The following UNC5C variants were observed in gnomAD, a reference collection of about 807,000 sequenced individuals.
The protein encoded by UNC5C is netrin receptor UNC5C.
In UNC5C, 47 loss-of-function variants were observed where a neutral mutation model predicts 99.8. The ratio of observed to expected loss-of-function variants is 0.47; its 90% CI spans 0.37 to 0.60. UNC5C has a LOEUF of 0.60. Among genes scored for constraint, UNC5C ranks in the 20% least tolerant of loss-of-function variants. The pLI is 0.00. For synonymous variants in UNC5C, 487 were observed against 452.2 expected (o/e 1.08, Z -0.98); for missense variants, 1,062 against 1,165.9 (o/e 0.91, Z 1.30).
At chr4:95,517,302 A>G (rs1376441176) in intron 1 of UNC5C, among the ~76,000 whole-genome samples, 1 of 152,082 alleles carries the variant, frequency 6.6e-6, no homozygotes, top group African/African-American at 2.4e-5. Context: ...TCTGTTGTTC[A>G]ATTATGTTTT....
intron 3 of UNC5C, among the ~76,000 whole-genome samples, chr4:95,287,139 G>T (rs1741265985): frequency 1.3e-5 from 2 of 152,214 alleles, no homozygotes; most frequent in African/African-American, 4.8e-5. Context: ...GCCAACAAGA[G>T]ATGTTGGTGA....
chr4:95,231,583 A>T (rs1738914178), intron 7 of UNC5C, among the ~76,000 whole-genome samples: 1 of 152,090 alleles, frequency 6.6e-6, no homozygotes, highest in Non-Finnish European at 1.5e-5. Flanking sequence ...CTTTTTTGCC[A>T]GTTACTTTAC....
chr4:95,191,896 C>G (rs1428949766), intron 12 of UNC5C, among the ~76,000 whole-genome samples: 1 of 134,078 alleles, frequency 7.5e-6, no homozygotes, highest in African/African-American at 2.8e-5. Context: ...TCCCTTTCTC[C>G]CCTCCTCTGT....
chr4:95,293,295 CT>C (rs1175837199), intron 3 of UNC5C, among the ~76,000 whole-genome samples: 409 of 56,874 alleles, frequency 7.2e-3, no homozygotes, highest in African/African-American at 0.025. Flanking sequence ...TAATAGTGAG[CT>C]TTTTTTTTTT....
rs185464975 is a variant in UNC5C at position 95,216,161 on chromosome 4, C to T, written c.1696G>A (p.Glu566Lys). The T allele has an allele frequency of 1.7e-5, 27 of 1,613,780 alleles. No homozygotes were observed. The highest frequency in any genetic ancestry group is 1.7e-4 in the Middle Eastern group (1 of 6,060). The change falls in exon 10 of 16, where the codon GAA becomes AAA. Residue 566 changes from glutamate (E) to lysine (K), a missense_variant. Physicochemically the swap from Glu to Lys is moderately conservative, Grantham distance 56. Around this residue, in one of 3 missense-constraint regions of UNC5C, gnomAD observed 810 missense variants for 854.5 expected, o/e 0.95. Coordinates refer to ENST00000453304, the MANE Select transcript of UNC5C (RefSeq NM_003728.4). ...AGAIPQGRVY[E>K]MYVTVHRKET... ...TTCCTGTGTACAGTCACATACATTT[C>T]GTAGACTCTCCCTTGGGGAATGGCC...
At chr4:95,256,695 A>ATATATATAT (rs1560755815) in intron 4 of UNC5C, among the ~76,000 whole-genome samples, 3 of 110,872 alleles carry the variant, frequency 2.7e-5, no homozygotes, top group African/African-American at 1.2e-4. Context: ...GACAGAACTA[A>ATATATATAT]ATAAATATAT....
At chr4:95,395,688 C>G (rs1275505284) in intron 1 of UNC5C, among the ~76,000 whole-genome samples, 2 of 152,192 alleles carry the variant, frequency 1.3e-5, no homozygotes, top group Non-Finnish European at 2.9e-5. Flanking sequence ...TCCCATACAA[C>G]AGTAGTTCCC....
At chr4:95,197,387 C>T (rs541438630) in intron 12 of UNC5C, among the ~76,000 whole-genome samples, 52 of 152,022 alleles carry the variant, frequency 3.4e-4, no homozygotes, top group African/African-American at 1.0e-3. Context: ...AGTTACTATA[C>T]GAAAATATCA....
rs137875858 is a variant in UNC5C at position 95,170,280 on chromosome 4, G to A, written c.2504C>T (p.Thr835Met). The A allele has an allele frequency of 4.6e-4, 736 of 1,614,048 alleles. No homozygotes were observed. The highest frequency in any genetic ancestry group is 5.8e-4 in the Non-Finnish European group (688 of 1,180,038). ...PLLDPANTITTVTGPSAFSIP... is the reference protein window; with the variant it reads ...PLLDPANTITMVTGPSAFSIP... ...GCTGAAAGCACTGGGCCCCGTGACC[G>A]TGGTGATGGTGTTCGCAGGATCCAG... The change falls in exon 15 of 16, where the codon ACG (threonine) becomes ATG (methionine). Residue 835 changes from threonine (T) to methionine (M), a missense_variant. Physicochemically the swap from Thr to Met is moderately conservative, Grantham distance 81. Coordinates refer to ENST00000453304, the MANE Select transcript of UNC5C (RefSeq NM_003728.4).
intron 12 of UNC5C, among the ~76,000 whole-genome samples, chr4:95,198,496 T>A (rs569517165): frequency 6.6e-6 from 1 of 152,090 alleles, no homozygotes; most frequent in Non-Finnish European, 1.5e-5. Context: ...TAGAATAAGT[T>A]TGGGCAGAGA....
At position 95,165,428 on chromosome 4, in the gene UNC5C, G is replaced by A. The variant is rs1040732780; in HGVS notation, c.*3806C>T. The A allele has an allele frequency of 3.3e-5, 5 of 152,216 alleles. No homozygotes were observed. Among genetic ancestry groups the A allele is most frequent in the Non-Finnish European group, 5.9e-5 (4 of 68,048 alleles). The allele number at this position is 152,216 out of a possible 1,614,324, so 9.4% of individuals were successfully genotyped here. On this transcript the variant is annotated 3_prime_UTR_variant, in exon 16 of 16. Transcript: ENST00000453304. ...TGGGGGTTTTCTGCATAGCAGAGGT[G>A]ACTGTTCATTTGGAAGATGCCGTTT...
intron 7 of UNC5C, among the ~76,000 whole-genome samples, chr4:95,231,443 CA>C (rs1297513434): frequency 2.0e-5 from 3 of 152,036 alleles, no homozygotes; most frequent in Non-Finnish European, 4.4e-5. Context: ...TTTTAGGTCA[CA>C]AAGGTCTTGG....
intron 1 of UNC5C, among the ~76,000 whole-genome samples, chr4:95,338,867 T>C (rs1030260807): frequency 2.0e-5 from 3 of 152,006 alleles, no homozygotes; most frequent in Admixed American, 6.6e-5. Context: ...GGCTACAAAA[T>C]TTGTGTGGCC....
chr4:95,493,818 C>G (rs1238184595), intron 1 of UNC5C, among the ~76,000 whole-genome samples: 2 of 151,352 alleles, frequency 1.3e-5, no homozygotes, highest in Non-Finnish European at 3.0e-5. Context: ...GACTGATCAA[C>G]AATATTCCAA....
intron 1 of UNC5C, among the ~76,000 whole-genome samples, chr4:95,508,156 T>G (rs116464371): frequency 0.013 from 1,929 of 152,014 alleles, 44 homozygotes; most frequent in African/African-American, 0.044. Context: ...GAATAGGGTT[T>G]AAAGGCAACA....
intron 1 of UNC5C, among the ~76,000 whole-genome samples, chr4:95,457,266 A>G (rs1042282003): frequency 1.3e-5 from 2 of 152,114 alleles, no homozygotes; most frequent in African/African-American, 4.8e-5. Flanking sequence ...AAACAAATAT[A>G]CTTTAAAAAA....
chr4:95,541,838 A>G (rs1722929443), intron 1 of UNC5C, among the ~76,000 whole-genome samples: 1 of 152,172 alleles, frequency 6.6e-6, no homozygotes, highest in Non-Finnish European at 1.5e-5. Flanking sequence ...GAGAGAAAAC[A>G]ATAAATAAGA....
At chr4:95,201,818 A>C (rs531822081) in intron 12 of UNC5C, among the ~76,000 whole-genome samples, 1 of 151,882 alleles carries the variant, frequency 6.6e-6, no homozygotes, top group Non-Finnish European at 1.5e-5. Context: ...GTTAGCCAGG[A>C]TGGTCTTGAT....
At chr4:95,457,322 G>A (rs186248467) in intron 1 of UNC5C, among the ~76,000 whole-genome samples, 2 of 151,774 alleles carry the variant, frequency 1.3e-5, no homozygotes, top group Admixed American at 1.3e-4. Context: ...TTTGTCTAGG[G>A]TGTTTTACAC....
Sources: gnomAD v4.1 joint callset for allele counts (sites outside exome capture counted in the v4.1 genomes callset) on GRCh38, gnomAD v4.1.1 for gene constraint, gnomAD v4.1.1 regional missense constraint, MANE v1.5 for transcripts, NCBI Gene and HGNC (gene_info 2026-07-23, HGNC 2026-07-21) for gene names.